Variants in SLITRK1 observed in about 807,000 individuals in gnomAD.
SLITRK1 encodes SLIT and NTRK like family member 1.
A neutral mutation model predicts 42.4 loss-of-function variants in SLITRK1; 10 were observed. The observed-to-expected ratio is 0.24, with a 90% confidence interval of 0.15 to 0.40. SLITRK1 has a LOEUF of 0.40. SLITRK1 is among the 10% of genes least tolerant of loss of function. The pLI is 1.00. For synonymous variants in SLITRK1, 389 were observed against 365.7 expected (o/e 1.06, Z -0.73); for missense variants, 778 against 848.8 (o/e 0.92, Z 1.04).
chr13:83,879,583 A>C lies in SLITRK1; in HGVS notation c.1925T>G (p.Ile642Ser). The change falls in exon 2 of 2, where the codon ATC (isoleucine) becomes AGC (serine). Residue 642 changes from isoleucine (I) to serine (S), a missense_variant. Physicochemically the swap from Ile to Ser is moderately radical, Grantham distance 142 (BLOSUM62 -2). Around this residue, in one of 4 missense-constraint regions of SLITRK1, gnomAD observed 164 missense variants for 158.2 expected, o/e 1.04. Transcript: ENST00000674365. ...CTTGGACCGCTTTCGGTTCCTCAGGATAAACACGAGCATGCCCACCACGGT... is the reference window on the plus strand; with the variant it reads ...CTTGGACCGCTTTCGGTTCCTCAGGCTAAACACGAGCATGCCCACCACGGT... The part of the protein sequence containing the change: ...AFTVVGMLVF[I>S]LRNRKRSKRR... 6.2e-7 allele frequency: 1 copy of C among 1,614,008 alleles called. No individual in the cohort carries two copies. The highest frequency in any genetic ancestry group is 2.2e-5 in the East Asian group (1 of 44,860).
Position 83,879,706 on chromosome 13 carries a change from T to A in SLITRK1, c.1802A>T (p.Glu601Val). ...GTAGGAGTTGGAGTGCGTCCCGGTC[T>A]CCGCCAACCCAGTGCTGTTTTTACT... is the stretch of plus-strand genomic sequence containing the variant. The part of the protein sequence containing the change: ...SHSKNSTGLA[E>V]TGTHSNSYLD... The change falls in exon 2 of 2, where the codon GAG becomes GTG. Residue 601 changes from glutamate to valine, a missense_variant. By Grantham distance (121) the Glu-to-Val change is moderately radical (BLOSUM62 -2). Coordinates refer to ENST00000674365, the MANE Select transcript of SLITRK1 (RefSeq NM_001281503.2). 3.7e-6 allele frequency: 6 copies of A among 1,613,910 alleles called. No homozygotes were observed. The highest frequency in any genetic ancestry group is 5.1e-6 in the Non-Finnish European group (6 of 1,179,998).
Position 83,879,561 on chromosome 13 carries a change from G to A in SLITRK1, c.1947C>T (p.Ser649=), listed in dbSNP as rs776581255. ...CGGAGGAGTTGGCATCTCGTCTCTT[G>A]GACCGCTTTCGGTTCCTCAGGATAA... is the stretch of plus-strand genomic sequence containing the variant. The part of the protein sequence containing the change: ...LVFILRNRKR[S]KRRDANSSAS... The change falls in exon 2 of 2, where the codon TCC becomes TCT. Residue 649 remains serine, a synonymous_variant. Transcript: ENST00000674365. 2.5e-6 allele frequency: 4 copies of A among 1,614,026 alleles called. No individual in the cohort carries two copies. The highest frequency in any genetic ancestry group is 3.4e-6 in the Non-Finnish European group (4 of 1,179,992).
In SLITRK1 at chr13:83,879,951, G is replaced by A. The variant is rs1349016967; in HGVS notation, c.1557C>T (p.Thr519=). 2 of 1,613,968 alleles carry A rather than the reference G, an allele frequency of 1.2e-6. No homozygotes were observed. The highest frequency in any genetic ancestry group is 2.2e-5 in the East Asian group (1 of 44,858). ...LPVAGVLDQL[T]SIIQIDLHGN... ...CGTGGAGGTCTATCTGGATGATGGA[G>A]GTTAACTGGTCCAGCACCCCTGCCA... The change falls in exon 2 of 2, where the codon ACC becomes ACT. Residue 519 remains threonine (T), a synonymous_variant. Transcript: ENST00000674365.
chr13:83,880,043 C>A lies in SLITRK1; in HGVS notation c.1465G>T (p.Asp489Tyr). ...GAGAGCGAGACCCCAGCGAACACGT[C>A]CACAGGCAGGGACCTCAGCAGGTTG... ...NNNLLRSLPVDVFAGVSLSKL... is the reference protein window; with the variant it reads ...NNNLLRSLPVYVFAGVSLSKL... Residue 489 changes from aspartate (D) to tyrosine (Y), a missense_variant, in exon 2 of 2, where the codon GAC becomes TAC. Physicochemically the swap from Asp to Tyr is radical, Grantham distance 160. This residue lies in a region of SLITRK1 where 395 missense variants were observed against 360.4 expected (regional missense o/e 1.10). Coordinates refer to ENST00000674365, the MANE Select transcript of SLITRK1 (RefSeq NM_001281503.2). 2 of 1,614,002 alleles carry A rather than the reference C, an allele frequency of 1.2e-6. No homozygotes were observed. Among genetic ancestry groups the A allele is most frequent in the Non-Finnish European group, 1.7e-6 (2 of 1,180,004 alleles).
In SLITRK1 at chr13:83,879,657, G is replaced by T; in HGVS notation, c.1851C>A (p.Ile617=). The part of the protein sequence containing the change: ...NSYLDTSRVS[I]SVLVPGLLLV... ...GCAGCAGTCCCGGGACCAACACCGAGATGGACACCCTGCTGGTGTCTAGGT... is the reference window on the plus strand; with the variant it reads ...GCAGCAGTCCCGGGACCAACACCGATATGGACACCCTGCTGGTGTCTAGGT... Residue 617 remains isoleucine (I), a synonymous_variant, in exon 2 of 2, where the codon ATC becomes ATA. Coordinates refer to ENST00000674365, the MANE Select transcript of SLITRK1 (RefSeq NM_001281503.2). 6.2e-7 allele frequency: 1 copy of T among 1,613,990 alleles called. No individual in the cohort carries two copies. The highest frequency in any genetic ancestry group is 1.7e-5 in the Admixed American group (1 of 60,008).
chr13:83,880,982 A>G lies in SLITRK1; in HGVS notation c.526T>C (p.Tyr176His), dbSNP rs746156209. 1 of 1,614,046 alleles carries G rather than the reference A, an allele frequency of 6.2e-7. No homozygotes were observed. Among genetic ancestry groups the G allele is most frequent in the Admixed American group, 1.7e-5 (1 of 60,010 alleles). ...ISTLPANVFQ[Y>H]VPITHLDLRG... is the part of the protein sequence containing the mutation. ...AGGTCGAGGTGGGTGATGGGCACATACTGGAACACGTTGGCAGGTAGGGTG... is the reference window on the plus strand; with the variant it reads ...AGGTCGAGGTGGGTGATGGGCACATGCTGGAACACGTTGGCAGGTAGGGTG... The change falls in exon 2 of 2, where the codon TAT (tyrosine) becomes CAT (histidine). Residue 176 changes from tyrosine (Y) to histidine (H), a missense_variant. Physicochemically the swap from Tyr to His is moderately conservative, Grantham distance 83. Transcript: ENST00000674365.
Position 83,881,367 on chromosome 13 carries a change from G to C in SLITRK1, c.141C>G (p.Phe47Leu), listed in dbSNP as rs780836106. 7.4e-6 allele frequency: 12 copies of C among 1,614,154 alleles called. No individual in the cohort carries two copies. Among genetic ancestry groups the C allele is most frequent in the Non-Finnish European group, 1.0e-5 (12 of 1,180,030 alleles). ...GGGCAGTGAAACGCTGCAGACTTGT[G>C]AAGCCCTTTTTTTCACAGTCTACGT... ...DLHVDCEKKG[F>L]TSLQRFTAPT... Residue 47 changes from phenylalanine (F) to leucine (L), a missense_variant, in exon 2 of 2, where the codon TTC becomes TTG. Around this residue, in one of 4 missense-constraint regions of SLITRK1, gnomAD observed 204 missense variants for 295.3 expected, o/e 0.69. Coordinates refer to ENST00000674365, the MANE Select transcript of SLITRK1 (RefSeq NM_001281503.2).
chr13:83,879,099 G>C lies in SLITRK1; in HGVS notation c.*318C>G. 1 of 412,800 alleles carries C rather than the reference G, an allele frequency of 2.4e-6. No individual in the cohort carries two copies. Among genetic ancestry groups the C allele is most frequent in the Non-Finnish European group, 4.6e-6 (1 of 219,406 alleles). The allele number at this position is 412,800 out of a possible 1,614,324, so 25.6% of individuals were successfully genotyped here. A position where few individuals can be genotyped will look rare whatever the true frequency, so the allele number is the denominator to read the frequency against. The stretch of plus-strand genomic sequence containing the variant: ...AGAACCGCGGCATCCAACCCCACAG[G>C]CCCCGGGGCCGAGGGCGAGGGCACT... On this transcript the variant is annotated 3_prime_UTR_variant, in exon 2 of 2. Transcript: ENST00000674365.
rs1210727550 is a variant in SLITRK1 at position 83,877,208 on chromosome 13, T to C, written c.*2209A>G. ...TGATGAATGGCCTTAGGAATAGTCA[T>C]GGTTTATAATAAAGATTTTATTAAA... On this transcript the variant is annotated 3_prime_UTR_variant, in exon 2 of 2. Transcript: ENST00000674365. 6.6e-6 allele frequency: 1 copy of C among 152,200 alleles called. No homozygotes were observed. Among genetic ancestry groups the C allele is most frequent in the Non-Finnish European group, 1.5e-5 (1 of 68,028 alleles). The allele number at this position is 152,200 out of a possible 1,614,324, so 9.4% of individuals were successfully genotyped here. A position where few individuals can be genotyped will look rare whatever the true frequency, so the allele number is the denominator to read the frequency against.
rs1175617199 is a variant in SLITRK1, at chr13:83,881,147, A to G, written c.361T>C (p.Phe121Leu). The G allele has an allele frequency of 1.2e-6, 2 of 1,613,944 alleles. No individual in the cohort carries two copies. The highest frequency in any genetic ancestry group is 1.7e-6 in the Non-Finnish European group (2 of 1,180,020). Residue 121 changes from phenylalanine (F) to leucine (L), a missense_variant, in exon 2 of 2, where the codon TTT becomes CTT. Coordinates refer to ENST00000674365, the MANE Select transcript of SLITRK1 (RefSeq NM_001281503.2). ...AGCCCCAGAAAAGTCTGCTTTCGAA[A>G]AGACTTGATCTTGTTGTTGTTGATG... ...LHINNNKIKS[F>L]RKQTFLGLDD...
intron 1 of SLITRK1, 35 bp from the exon 2 acceptor site, chr13:83,881,595 TG>T: frequency 8.9e-7 from 1 of 1,124,766 alleles, no homozygotes; most frequent in Non-Finnish European, 1.3e-6. Flanking sequence ...GTTCATTTAG[TG>T]CTCCAATGTC....
chr13:83,879,168 G>C lies in SLITRK1; in HGVS notation c.*249C>G. 1.9e-6 allele frequency: 1 copy of C among 532,610 alleles called. No individual in the cohort carries two copies. The highest frequency in any genetic ancestry group is 2.0e-5 in the South Asian group (1 of 49,308). The allele number at this position is 532,610 out of a possible 1,614,324, so 33.0% of individuals were successfully genotyped here. On this transcript the variant is annotated 3_prime_UTR_variant, in exon 2 of 2. Coordinates refer to ENST00000674365, the MANE Select transcript of SLITRK1 (RefSeq NM_001281503.2). ...GTCGTGCTGGGCTTTCTGTCAAAAG[G>C]GGCTCTCAGCAAAGAGCGAGCTGGC...
chr13:83,879,261 C>T lies in SLITRK1; in HGVS notation c.*156G>A. The T allele has an allele frequency of 1.1e-6, 1 of 893,510 alleles. No homozygotes were observed. The highest frequency in any genetic ancestry group is 1.6e-5 in the African/African-American group (1 of 60,822). 55.3% of individuals were successfully genotyped at this position (893,510 alleles called of 1,614,324 possible). On this transcript the variant is annotated 3_prime_UTR_variant, in exon 2 of 2. Transcript: ENST00000674365. ...AGGGAGCTAAGTAAGGGGTCAGGCC[C>T]TTTCGGTTGTGCGAGCTCACAGTTA...
At position 83,880,688 on chromosome 13, in the gene SLITRK1, G is replaced by C; in HGVS notation, c.820C>G (p.Pro274Ala). 1 of 1,614,118 alleles carries C rather than the reference G, an allele frequency of 6.2e-7. No homozygotes were observed. The highest frequency in any genetic ancestry group is 8.5e-7 in the Non-Finnish European group (1 of 1,180,032). Residue 274 changes from proline to alanine, a missense_variant, in exon 2 of 2, where the codon CCC becomes GCC. Physicochemically the swap from Pro to Ala is conservative, Grantham distance 27. This residue lies in a region of SLITRK1 where 395 missense variants were observed against 360.4 expected (regional missense o/e 1.10). Coordinates refer to ENST00000674365, the MANE Select transcript of SLITRK1 (RefSeq NM_001281503.2). Reference sequence around the variant, plus strand: ...GCAAAGGTCTCTTCTTGGGCAGGGGGCGCCGGGAGACTAGAATCCACTCGG... The same window carrying C: ...GCAAAGGTCTCTTCTTGGGCAGGGGCCGCCGGGAGACTAGAATCCACTCGG... ...KNRVDSSLPA[P>A]PAQEETFAPG...
Position 83,880,455 on chromosome 13 carries a change from T to A in SLITRK1, c.1053A>T (p.Pro351=), listed in dbSNP as rs1438127287. 1.2e-6 allele frequency: 2 copies of A among 1,613,858 alleles called. No homozygotes were observed. Among genetic ancestry groups the A allele is most frequent in the Non-Finnish European group, 1.7e-6 (2 of 1,180,008 alleles). Reference sequence around the variant, plus strand: ...TGCAGTTCATCTTTAAACCCGACCCTGGGATGTGGTCGCAGCTGCAGCCCC... The same window carrying A: ...TGCAGTTCATCTTTAAACCCGACCCAGGGATGTGGTCGCAGCTGCAGCCCC... The part of the protein sequence containing the change: ...CPGGCSCDHI[P]GSGLKMNCNN... The change falls in exon 2 of 2, where the codon CCA becomes CCT. Residue 351 remains proline, a synonymous_variant. Transcript: ENST00000674365.
chr13:83,881,729 C>T (rs1355088282), intron 1 of SLITRK1, 169 bp from the exon 2 acceptor site: 24 of 305,606 alleles, frequency 7.9e-5, no homozygotes, highest in African/African-American at 1.5e-4. Flanking sequence ...ACTATCCAGG[C>T]ACGTAGTGCA....
At position 83,881,732 on chromosome 13, in the gene SLITRK1, G is replaced by A. The variant is rs369825319; in HGVS notation, c.-53-172C>T. 3.5e-5 allele frequency: 8 copies of A among 228,474 alleles called. 1 individual carries two copies. In the South Asian group the frequency reaches 7.0e-4, roughly 20 times the overall value. The allele number at this position is 228,474 out of a possible 1,614,324, so 14.2% of individuals were successfully genotyped here. On this transcript the variant is annotated intron_variant, in intron 1 of 1. Transcript: ENST00000674365. ...TTATATCCACAAACTATCCAGGCAC[G>A]TAGTGCAAGGCAAGCAAAGAAAAAA...
rs1272345858 is a variant in SLITRK1 at position 83,881,284 on chromosome 13, G to A, written c.224C>T (p.Pro75Leu). Residue 75 changes from proline (P) to leucine (L), a missense_variant, in exon 2 of 2, where the codon CCT (proline) becomes CTT (leucine). By Grantham distance (98) the Pro-to-Leu change is moderately conservative (BLOSUM62 -3). This residue lies in a region of SLITRK1 where 204 missense variants were observed against 295.3 expected (regional missense o/e 0.69). Coordinates refer to ENST00000674365, the MANE Select transcript of SLITRK1 (RefSeq NM_001281503.2). Reference protein sequence around the residue: ...LHGNSLTRLFPNEFANFYNAV... With the variant: ...LHGNSLTRLFLNEFANFYNAV... ...ATTATAAAAGTTAGCGAACTCATTAGGGAAAAGTCGAGTGAGGGAATTGCC... is the reference window on the plus strand; with the variant it reads ...ATTATAAAAGTTAGCGAACTCATTAAGGAAAAGTCGAGTGAGGGAATTGCC... 1 of 1,614,152 alleles carries A rather than the reference G, an allele frequency of 6.2e-7. No homozygotes were observed. Among genetic ancestry groups the A allele is most frequent in the Non-Finnish European group, 8.5e-7 (1 of 1,180,048 alleles).
rs1884717320 is a variant in SLITRK1 at position 83,877,607 on chromosome 13, GA to G, written c.*1809del. The G allele has an allele frequency of 7.6e-6, 1 of 131,530 alleles. No homozygotes were observed. The highest frequency in any genetic ancestry group is 2.4e-4 in the South Asian group (1 of 4,134). 8.1% of individuals were successfully genotyped at this position (131,530 alleles called of 1,614,324 possible). On this transcript the variant is annotated 3_prime_UTR_variant, in exon 2 of 2. Coordinates refer to ENST00000674365, the MANE Select transcript of SLITRK1 (RefSeq NM_001281503.2). ...ACAACCAGAAATCCGGATGATGGGA[GA>G]GAAACACTTCTTTAGGATAATGATT...
Sources: gnomAD v4.1 joint callset for allele counts on GRCh38, gnomAD v4.1.1 for gene constraint, gnomAD v4.1.1 regional missense constraint, MANE v1.5 for transcripts, NCBI Gene and HGNC (gene_info 2026-07-23, HGNC 2026-07-21) for gene names.